The following NOXRED1 variants were observed in gnomAD, a reference collection of about 807,000 sequenced individuals.
NOXRED1 encodes the protein NADP-dependent oxidoreductase domain-containing protein 1.
NOXRED1 carries 20 observed loss-of-function variants against 30.4 expected under a neutral mutation model. The ratio of observed to expected loss-of-function variants is 0.66; its 90% CI spans 0.46 to 0.96. The LOEUF (loss-of-function observed/expected upper bound fraction) is 0.96. NOXRED1 is among the 40% of genes least tolerant of loss of function. NOXRED1 has a pLI of 0.00. For missense variants in NOXRED1, 374 were observed against 428.0 expected (o/e 0.87, Z 1.11); for synonymous variants, 155 against 168.0 (o/e 0.92, Z 0.60).
chr14:77,421,228 T>C (rs1894984907), intron 1 of NOXRED1, among the ~76,000 whole-genome samples: 1 of 152,238 alleles, frequency 6.6e-6, no homozygotes, highest in Admixed American at 6.5e-5. Flanking sequence ...CCCCTGTAAA[T>C]GCAGCTGTTC....
chr14:77,424,456 G>A (rs1424209702), upstream of NOXRED1, among the ~76,000 whole-genome samples: 1 of 152,228 alleles, frequency 6.6e-6, no homozygotes, highest in Non-Finnish European at 1.5e-5. Context: ...GGCAGAGGGA[G>A]ACTCCATCTC....
At chr14:77,399,152 A>T (rs1475005059) in intron 5 of NOXRED1, among the ~76,000 whole-genome samples, 1 of 152,054 alleles carries the variant, frequency 6.6e-6, no homozygotes, top group Non-Finnish European at 1.5e-5. Context: ...GAATAATCAG[A>T]CTGGGAATTT....
Position 77,422,830 on chromosome 14 carries a change from A to G in NOXRED1, c.60T>C (p.Asp20=). 6.2e-7 allele frequency: 1 copy of G among 1,613,840 alleles called. No homozygotes were observed. Among genetic ancestry groups the G allele is most frequent in the Non-Finnish European group, 8.5e-7 (1 of 1,179,846 alleles). ...GGCCCTGCAAATACAGCCAGATACG[A>G]TCTTCCTCTGGAACCCCATACTCAA... The part of the protein sequence containing the change: ...LQFEYGVPEE[D]RIWLYLQGRS... Residue 20 remains aspartate, a synonymous_variant, in exon 1 of 6, where the codon GAT becomes GAC. Transcript: ENST00000380835.
At chr14:77,399,113 C>T (rs1004727925) in intron 5 of NOXRED1, among the ~76,000 whole-genome samples, 4 of 152,024 alleles carry the variant, frequency 2.6e-5, no homozygotes, top group Non-Finnish European at 5.9e-5. Flanking sequence ...GTAGAACAAG[C>T]ATCAGAACCA....
upstream of NOXRED1, among the ~76,000 whole-genome samples, chr14:77,424,481 T>C (rs1895075347): frequency 6.6e-6 from 1 of 151,978 alleles, no homozygotes; most frequent in Non-Finnish European, 1.5e-5. Flanking sequence ...AAATAAAAAA[T>C]AAAATAAAGT....
intron 2 of NOXRED1, among the ~76,000 whole-genome samples, chr14:77,412,431 G>T (rs991519655): frequency 6.6e-6 from 1 of 152,142 alleles, no homozygotes; most frequent in Non-Finnish European, 1.5e-5. Flanking sequence ...CACCCTGCTA[G>T]GGAGATGCAA....
chr14:77,422,516 T>A (rs1895022091), intron 1 of NOXRED1, among the ~76,000 whole-genome samples: 1 of 152,144 alleles, frequency 6.6e-6, no homozygotes, highest in African/African-American at 2.4e-5. Context: ...TAAAAGGTAA[T>A]CACTACTAAT....
intron 1 of NOXRED1, among the ~76,000 whole-genome samples, chr14:77,416,492 CAT>C (rs937421062): frequency 2.6e-5 from 4 of 152,180 alleles, no homozygotes; most frequent in Non-Finnish European, 5.9e-5. Context: ...GGATACAGCA[CAT>C]GTTTCAGAGA....
intron 2 of NOXRED1, among the ~76,000 whole-genome samples, chr14:77,408,005 T>G (rs1894528737): frequency 6.6e-6 from 1 of 151,876 alleles, no homozygotes; most frequent in African/African-American, 2.4e-5. Flanking sequence ...GTAGCTGAGA[T>G]TACAGGCATG....
rs1895054176 is a variant in NOXRED1, at chr14:77,423,427, A to T, written c.-538T>A. ...GGGCAGGGACATCTAGATTTTACAA[A>T]CTAAACTCAAAGTCATATAAACCCA... On this transcript the variant is annotated 5_prime_UTR_variant, in exon 1 of 6. Transcript: ENST00000380835. 1 of 152,626 alleles carries T rather than the reference A, an allele frequency of 6.6e-6. No individual in the cohort carries two copies. The highest frequency in any genetic ancestry group is 1.5e-5 in the Non-Finnish European group (1 of 68,388). 9.5% of individuals were successfully genotyped at this position (152,626 alleles called of 1,614,324 possible).
chr14:77,406,528 A>T (rs912337100), intron 4 of NOXRED1, 196 bp downstream of exon 4: 1 of 675,790 alleles, frequency 1.5e-6, no homozygotes, highest in African/African-American at 1.8e-5. Context: ...TGTCCTTAAG[A>T]AGTCCAAATG....
At chr14:77,406,382 A>C (rs1894458212) in intron 4 of NOXRED1, 1 of 595,544 alleles carries the variant, frequency 1.7e-6, no homozygotes, top group African/African-American at 1.9e-5. Context: ...AATGGCAAAA[A>C]GTGTCTCTGG....
rs545314455 is a variant in NOXRED1, at chr14:77,413,079, T to C, written c.349+855A>G. Among the ~76,000 whole-genome samples the C allele has an allele frequency of 1.6e-4, 25 of 152,174 alleles. 1 individual carries two copies. Among genetic ancestry groups the C allele is most frequent in the African/African-American group, 6.0e-4 (25 of 41,502 alleles). On this transcript the variant is annotated intron_variant, in intron 2 of 5. Transcript: ENST00000380835. Reference sequence around the variant, plus strand: ...GATATGAAGTGTACAGTTTGATCAGTTTTGACAAAAGCATACACCCATTTA... The same window carrying C: ...GATATGAAGTGTACAGTTTGATCAGCTTTGACAAAAGCATACACCCATTTA...
At position 77,405,889 on chromosome 14, in the gene NOXRED1, T is replaced by A. The variant is rs369510637; in HGVS notation, c.905+24A>T. ...GAGAAGAGTCTGGGAGAAATGAGAA[T>A]GGCCAGCTGTCCAATGCCCTTACCT... On this transcript the variant is annotated intron_variant, in intron 5 of 5. Transcript: ENST00000380835. The A allele has an allele frequency of 4.1e-5, 57 of 1,387,098 alleles. No individual in the cohort carries two copies. In the African/African-American group the frequency reaches 7.4e-4, roughly 18 times the overall value. The allele number at this position is 1,387,098 out of a possible 1,614,324, so 85.9% of individuals were successfully genotyped here. A position where few individuals can be genotyped will look rare whatever the true frequency, so the allele number is the denominator to read the frequency against.
intron 1 of NOXRED1, among the ~76,000 whole-genome samples, chr14:77,417,467 A>C (rs1340166215): frequency 1.3e-5 from 2 of 152,240 alleles, no homozygotes; most frequent in East Asian, 3.8e-4. Context: ...TCTGATGTTA[A>C]GTACATATAT....
At chr14:77,407,808 C>G (rs140560471) in intron 2 of NOXRED1, among the ~76,000 whole-genome samples, 163 bp from the exon 3 acceptor site, 14 of 152,142 alleles carry the variant, frequency 9.2e-5, no homozygotes, top group Admixed American at 9.2e-4. Flanking sequence ...CTAAAAGCCA[C>G]GCAGCAATGC....
intron 1 of NOXRED1, among the ~76,000 whole-genome samples, chr14:77,415,397 C>T (rs1320717330): frequency 6.6e-6 from 1 of 152,042 alleles, no homozygotes; most frequent in African/African-American, 2.4e-5. Flanking sequence ...TGGTGAAACC[C>T]CATCTCTATT....
chr14:77,420,418 G>T (rs1300087775), intron 1 of NOXRED1, among the ~76,000 whole-genome samples: 3 of 150,394 alleles, frequency 2.0e-5, no homozygotes, highest in Admixed American at 6.6e-5. Context: ...TCACTATGTT[G>T]CCCAGGCTGG....
At chr14:77,407,794 C>CCTT (rs1894519016) in intron 2 of NOXRED1, 149 bp from the exon 3 acceptor site, 3 of 609,334 alleles carry the variant, frequency 4.9e-6, no homozygotes, top group Non-Finnish European at 8.7e-6. Context: ...TTCCTACAGA[C>CCTT]CTTCTAAAAG....
Sources: allele counts gnomAD v4.1 joint callset (sites outside exome capture counted in the v4.1 genomes callset), GRCh38; gene constraint gnomAD v4.1.1; transcripts MANE v1.5; gene names NCBI Gene and HGNC (gene_info 2026-07-23, HGNC 2026-07-21).